The following AOAH variants were observed in gnomAD, a reference collection of about 807,000 sequenced individuals.
The protein encoded by AOAH is acyloxyacyl hydrolase, also known as acyloxyacyl hydrolase (neutrophil).
AOAH carries 64 observed loss-of-function variants against 92.2 expected under a neutral mutation model. That is an observed-to-expected ratio of 0.69 (90% confidence interval 0.57 to 0.86). The LOEUF (loss-of-function observed/expected upper bound fraction) is 0.86. AOAH is among the 40% of genes least tolerant of loss of function. The probability of loss-of-function intolerance (pLI) is 0.00; values close to 1 mark genes in which losing one functional copy is unlikely to be tolerated. For missense variants in AOAH, 656 were observed against 694.6 expected (o/e 0.94, Z 0.62); for synonymous variants, 263 against 254.5 (o/e 1.03, Z -0.32).
intron 1 of AOAH, among the ~76,000 whole-genome samples, chr7:36,715,429 C>T (rs1799079650): frequency 6.6e-6 from 1 of 151,946 alleles, no homozygotes; most frequent in Non-Finnish European, 1.5e-5. Context: ...AATGTCATCC[C>T]CATCAAGCTA....
At chr7:36,566,392 T>C (rs1268154457) in intron 13 of AOAH, among the ~76,000 whole-genome samples, 1 of 150,808 alleles carries the variant, frequency 6.6e-6, no homozygotes, top group Non-Finnish European at 1.5e-5. Context: ...CTATCTCTTT[T>C]CAAGAAGGCC....
At chr7:36,535,422 T>C (rs945633073) in intron 16 of AOAH, among the ~76,000 whole-genome samples, 1 of 152,192 alleles carries the variant, frequency 6.6e-6, no homozygotes, top group African/African-American at 2.4e-5. Context: ...TGAAATGCCA[T>C]GTAAATGTGT....
At position 36,637,857 on chromosome 7, in the gene AOAH, C is replaced by T. The variant is rs764322776; in HGVS notation, c.444G>A (p.Pro148=). ...QKARQIVKKS[P]ILKYSRSGSD... is the part of the protein sequence containing the mutation. Reference sequence around the variant, plus strand: ...CTACGTGCTTAGTGCTTACCAGAATCGGGGACTTCTTGACAATTTGTCTTG... The same window carrying T: ...CTACGTGCTTAGTGCTTACCAGAATTGGGGACTTCTTGACAATTTGTCTTG... Residue 148 remains proline (P), a synonymous_variant, in exon 5 of 21, where the codon CCG becomes CCA. Transcript: ENST00000617537. The T allele has an allele frequency of 1.5e-5, 24 of 1,613,892 alleles. No homozygotes were observed. The highest frequency in any genetic ancestry group is 5.0e-5 in the Admixed American group (3 of 59,998).
intron 4 of AOAH, among the ~76,000 whole-genome samples, chr7:36,658,069 A>G (rs1369517150): frequency 1.3e-5 from 2 of 152,082 alleles, no homozygotes; most frequent in Non-Finnish European, 2.9e-5. Context: ...TTTTAATTAA[A>G]GTTAACTAAC....
intron 16 of AOAH, among the ~76,000 whole-genome samples, chr7:36,536,645 G>C (rs1377001710): frequency 2.0e-5 from 3 of 152,108 alleles, no homozygotes; most frequent in Non-Finnish European, 2.9e-5. Flanking sequence ...TCCCAGGGTT[G>C]TTTTAAGAAT....
chr7:36,600,464 G>A (rs899723897), intron 11 of AOAH, among the ~76,000 whole-genome samples: 1 of 152,172 alleles, frequency 6.6e-6, no homozygotes, highest in Non-Finnish European at 1.5e-5. Context: ...GCAAGGCAGC[G>A]CAGGGCCCAG....
chr7:36,675,188 G>A (rs1796172786), intron 2 of AOAH, among the ~76,000 whole-genome samples: 1 of 152,280 alleles, frequency 6.6e-6, no homozygotes, highest in African/African-American at 2.4e-5. Flanking sequence ...CCCGGGAGGT[G>A]GAGGTTGCAG....
At chr7:36,649,674 G>A (rs1794449225) in intron 4 of AOAH, among the ~76,000 whole-genome samples, 1 of 152,204 alleles carries the variant, frequency 6.6e-6, no homozygotes, top group South Asian at 2.1e-4. Context: ...TTGTTTGGGA[G>A]CTCTGTTTTC....
chr7:36,526,370 G>A (rs12701505), intron 19 of AOAH, among the ~76,000 whole-genome samples: 10,337 of 152,256 alleles, frequency 0.068, 528 homozygotes, highest in East Asian at 0.19. Context: ...TCACAGGCAA[G>A]TGTTTATTTA....
At chr7:36,631,174 C>T (rs1037536682) in intron 6 of AOAH, among the ~76,000 whole-genome samples, 11 of 151,912 alleles carry the variant, frequency 7.2e-5, no homozygotes, top group African/African-American at 1.7e-4. Flanking sequence ...GGTGAAACCC[C>T]GTCTCTACTA....
At chr7:36,690,296 C>G (rs1797314722) in intron 1 of AOAH, 1 of 376,720 alleles carries the variant, frequency 2.7e-6, no homozygotes, top group Non-Finnish European at 5.2e-6. Context: ...TTATGATGAT[C>G]AAAAGGACCC....
intron 19 of AOAH, among the ~76,000 whole-genome samples, chr7:36,526,169 T>C (rs189714017): frequency 4.6e-5 from 7 of 152,330 alleles, no homozygotes; most frequent in Non-Finnish European, 8.8e-5. Context: ...TTGGAAGAAC[T>C]TGCTTGCCAT....
chr7:36,545,614 G>C (rs900894217), intron 15 of AOAH, among the ~76,000 whole-genome samples: 1 of 152,132 alleles, frequency 6.6e-6, no homozygotes, highest in Admixed American at 6.5e-5. Context: ...GGGTGGTTCT[G>C]GCTCTCTCCA....
At chr7:36,701,399 T>C (rs555898837) in intron 1 of AOAH, among the ~76,000 whole-genome samples, 21 of 151,636 alleles carry the variant, frequency 1.4e-4, no homozygotes, top group African/African-American at 3.4e-4. Flanking sequence ...TACTGTTGCA[T>C]TGCCTGGTTT....
intron 3 of AOAH, among the ~76,000 whole-genome samples, 178 bp downstream of exon 3, chr7:36,673,765 A>T (rs1489514975): frequency 4.6e-5 from 7 of 152,180 alleles, no homozygotes; most frequent in Admixed American, 4.6e-4. Context: ...CTTTGCGTAG[A>T]GTGACGAAGG....
At chr7:36,702,736 C>T (rs1009256855) in intron 1 of AOAH, among the ~76,000 whole-genome samples, 5 of 152,144 alleles carry the variant, frequency 3.3e-5, no homozygotes, top group African/African-American at 1.2e-4. Context: ...GAGGGTCTTG[C>T]CTCGATGTTG....
chr7:36,658,635 T>G (rs1795025736), intron 4 of AOAH, among the ~76,000 whole-genome samples: 1 of 152,174 alleles, frequency 6.6e-6, no homozygotes, highest in Non-Finnish European at 1.5e-5. Context: ...AAAAACTGTA[T>G]CAGTTATTGT....
intron 2 of AOAH, among the ~76,000 whole-genome samples, chr7:36,678,836 C>T (rs2116703937): frequency 6.6e-6 from 1 of 152,228 alleles, no homozygotes; most frequent in Middle Eastern, 3.4e-3. Context: ...CAGAAAGAGC[C>T]AGCTATCCCC....
intron 11 of AOAH, among the ~76,000 whole-genome samples, chr7:36,603,285 C>G (rs527467015): frequency 6.6e-6 from 1 of 152,156 alleles, no homozygotes; most frequent in African/African-American, 2.4e-5. Context: ...CTCCCACCCC[C>G]GTCAACAATC....
Sources: gnomAD v4.1 joint callset for allele counts (sites outside exome capture counted in the v4.1 genomes callset) on GRCh38, gnomAD v4.1.1 for gene constraint, MANE v1.5 for transcripts, NCBI Gene and HGNC (gene_info 2026-07-23, HGNC 2026-07-21) for gene names.